SHISA6: variants seen among roughly 807,000 people sequenced by gnomAD.
SHISA6 encodes shisa family member 6.
In SHISA6, 22 loss-of-function variants were observed where a neutral mutation model predicts 47.9. The observed-to-expected ratio is 0.46, with a 90% CI of 0.33 to 0.66. The LOEUF is 0.66. SHISA6 is among the 30% of genes least tolerant of loss of function. The pLI, the probability that SHISA6 is intolerant of heterozygous loss-of-function variation, is 0.02. For synonymous variants in SHISA6, 388 were observed against 337.8 expected (o/e 1.15, Z -1.63); for missense variants, 680 against 764.6 (o/e 0.89, Z 1.30).
intron 3 of SHISA6, among the ~76,000 whole-genome samples, chr17:11,414,858 C>A (rs368207380): frequency 6.6e-6 from 1 of 152,000 alleles, no homozygotes; most frequent in African/African-American, 2.4e-5. Context: ...GAGGCCCAGG[C>A]GGGTGAATCA....
At chr17:11,409,148 G>T (rs1172526009) in intron 3 of SHISA6, among the ~76,000 whole-genome samples, 2 of 151,930 alleles carry the variant, frequency 1.3e-5, no homozygotes, top group African/African-American at 2.4e-5. Context: ...CATTATAGCT[G>T]CAGTGTCTAA....
At chr17:11,299,364 GT>G (rs894064472) in intron 2 of SHISA6, among the ~76,000 whole-genome samples, 12 of 147,886 alleles carry the variant, frequency 8.1e-5, no homozygotes, top group African/African-American at 1.5e-4. Flanking sequence ...TATTTCTGGT[GT>G]TTTTTTTTTC....
chr17:11,454,980 T>TA (rs1420707062), intron 3 of SHISA6, among the ~76,000 whole-genome samples: 1 of 151,796 alleles, frequency 6.6e-6, no homozygotes, highest in Admixed American at 6.6e-5. Flanking sequence ...CCATTCTGGC[T>TA]AACAGGGTGA....
intron 3 of SHISA6, among the ~76,000 whole-genome samples, chr17:11,433,991 G>A (rs998893659): frequency 5.3e-5 from 8 of 151,968 alleles, no homozygotes; most frequent in African/African-American, 1.9e-4. Context: ...CACATTGCCC[G>A]CAGCATGCCC....
intron 3 of SHISA6, among the ~76,000 whole-genome samples, chr17:11,520,202 T>A (rs551987323): frequency 6.6e-6 from 1 of 152,328 alleles, no homozygotes; most frequent in South Asian, 2.1e-4. Context: ...ATCTCACACT[T>A]AATGTGTTCA....
Position 11,346,207 on chromosome 17 carries a change from A to T in SHISA6, c.800-33207A>T, listed in dbSNP as rs545620224. Among the ~76,000 whole-genome samples the T allele has an allele frequency of 2.0e-5, 3 of 152,310 alleles. No individual in the cohort carries two copies. In the East Asian group the frequency reaches 5.8e-4, roughly 29 times the overall value. ...TTTTTCTGCATCTTTTGAGATAATCATATGGGTTTTTTGTTGTTCAAGAAA... is the reference window on the plus strand; with the variant it reads ...TTTTTCTGCATCTTTTGAGATAATCTTATGGGTTTTTTGTTGTTCAAGAAA... On this transcript the variant is annotated intron_variant, in intron 2 of 5. Transcript: ENST00000441885.
chr17:11,433,157 G>A (rs971114991), intron 3 of SHISA6, among the ~76,000 whole-genome samples: 1 of 152,142 alleles, frequency 6.6e-6, no homozygotes, highest in African/African-American at 2.4e-5. Context: ...AGGTATACAT[G>A]TGCCATGGTG....
chr17:11,490,316 C>T (rs1434425554), intron 3 of SHISA6, among the ~76,000 whole-genome samples: 1 of 151,844 alleles, frequency 6.6e-6, no homozygotes, highest in Non-Finnish European at 1.5e-5. Flanking sequence ...GACATAAAGT[C>T]CAATTGCAGA....
chr17:11,554,795 T>A (rs920946884), intron 4 of SHISA6, among the ~76,000 whole-genome samples: 2 of 151,928 alleles, frequency 1.3e-5, no homozygotes, highest in African/African-American at 4.8e-5. Context: ...GATCTCCAGC[T>A]CTTTCTGTCC....
At chr17:11,302,723 G>A (rs1260589422) in intron 2 of SHISA6, among the ~76,000 whole-genome samples, 3 of 152,186 alleles carry the variant, frequency 2.0e-5, no homozygotes, top group Admixed American at 2.0e-4. Context: ...GCAGGAAGAT[G>A]ATTTGTGATC....
chr17:11,436,388 A>C (rs547951593), intron 3 of SHISA6, among the ~76,000 whole-genome samples: 2 of 152,292 alleles, frequency 1.3e-5, no homozygotes, highest in African/African-American at 4.8e-5. Flanking sequence ...TAATACAGAC[A>C]CTGGCTTGTA....
At chr17:11,360,297 C>T (rs1037683612) in intron 2 of SHISA6, among the ~76,000 whole-genome samples, 5 of 152,162 alleles carry the variant, frequency 3.3e-5, no homozygotes, top group African/African-American at 9.7e-5. Flanking sequence ...TGGTGGCTCA[C>T]GCCTGTAATC....
chr17:11,267,904 C>T (rs1262463747), intron 2 of SHISA6, among the ~76,000 whole-genome samples: 1 of 152,140 alleles, frequency 6.6e-6, no homozygotes, highest in Non-Finnish European at 1.5e-5. Flanking sequence ...CAAGCGAAGT[C>T]ATGAAGAGAT....
chr17:11,390,156 T>C (rs908705015), intron 3 of SHISA6, among the ~76,000 whole-genome samples: 20 of 152,166 alleles, frequency 1.3e-4, no homozygotes, highest in African/African-American at 4.8e-4. Context: ...CCACTCCAAA[T>C]AGTAACGTAA....
intron 2 of SHISA6, among the ~76,000 whole-genome samples, chr17:11,307,619 G>A (rs1910170478): frequency 6.6e-6 from 1 of 152,180 alleles, no homozygotes; most frequent in African/African-American, 2.4e-5. Context: ...CTGTGTGTCA[G>A]GTTATTGTTC....
chr17:11,398,626 C>G (rs1335741525), intron 3 of SHISA6, among the ~76,000 whole-genome samples: 1 of 151,920 alleles, frequency 6.6e-6, no homozygotes, highest in Non-Finnish European at 1.5e-5. Flanking sequence ...CAGACTCTCG[C>G]TCTGTTGCCA....
At chr17:11,523,393 G>C (rs1467198700) in intron 3 of SHISA6, among the ~76,000 whole-genome samples, 1 of 152,204 alleles carries the variant, frequency 6.6e-6, no homozygotes, top group Non-Finnish European at 1.5e-5. Context: ...GAATGAAAAT[G>C]CTGAAATATC....
intron 2 of SHISA6, among the ~76,000 whole-genome samples, chr17:11,280,218 T>G (rs1909072884): frequency 6.6e-6 from 1 of 152,230 alleles, no homozygotes; most frequent in South Asian, 2.1e-4. Context: ...TGGCTGTGAT[T>G]GAAATTTACT....
At chr17:11,371,066 C>T (rs762165077) in intron 2 of SHISA6, among the ~76,000 whole-genome samples, 1 of 152,216 alleles carries the variant, frequency 6.6e-6, no homozygotes, top group Non-Finnish European at 1.5e-5. Context: ...TGTGAGCAAG[C>T]ACTAGAATTG....
Sources: allele counts gnomAD v4.1 joint callset (sites outside exome capture counted in the v4.1 genomes callset), GRCh38; gene constraint gnomAD v4.1.1; transcripts MANE v1.5; gene names NCBI Gene and HGNC (gene_info 2026-07-23, HGNC 2026-07-21).